The following EFCAB6 variants were observed in gnomAD, a reference collection of about 807,000 sequenced individuals.
The protein encoded by EFCAB6 is EF-hand calcium-binding domain-containing protein 6.
A neutral mutation model predicts 169.8 loss-of-function variants in EFCAB6; 156 were observed. The ratio of observed to expected loss-of-function variants is 0.92; its 90% confidence interval spans 0.81 to 1.05. EFCAB6 has a LOEUF of 1.05. EFCAB6 is among the 50% of genes least tolerant of loss of function. The probability of loss-of-function intolerance (pLI) is 0.00; values close to 1 mark genes in which losing one functional copy is unlikely to be tolerated. For synonymous variants in EFCAB6, 698 were observed against 676.4 expected (o/e 1.03, Z -0.50); for missense variants, 1,800 against 1,829.1 (o/e 0.98, Z 0.29).
At chr22:43,589,603 C>A (rs373499874) in intron 24 of EFCAB6, among the ~76,000 whole-genome samples, 1 of 152,126 alleles carries the variant, frequency 6.6e-6, no homozygotes, top group South Asian at 2.1e-4. Context: ...GCCTGGCCAA[C>A]GTGGTGAAAC....
At chr22:43,727,637 C>T (rs1013039) in intron 8 of EFCAB6, among the ~76,000 whole-genome samples, 133,801 of 152,180 alleles carry the variant, frequency 0.88, 58,861 homozygotes, top group East Asian at 0.99. Context: ...GAGAGAAGAA[C>T]TGGAAAAACA....
chr22:43,741,608 C>G (rs1252719047), intron 6 of EFCAB6, among the ~76,000 whole-genome samples: 1 of 152,202 alleles, frequency 6.6e-6, no homozygotes, highest in Non-Finnish European at 1.5e-5. Flanking sequence ...TTCCACAAAG[C>G]AGGAAGTTGG....
intron 3 of EFCAB6, among the ~76,000 whole-genome samples, chr22:43,776,151 T>C (rs1569483227): frequency 6.6e-6 from 1 of 152,232 alleles, no homozygotes; most frequent in Non-Finnish European, 1.5e-5. Context: ...GTTGAATACA[T>C]GCTCTGGAGA....
chr22:43,718,754 C>G lies in EFCAB6; in HGVS notation c.758-1782G>C, dbSNP rs916478296. Among the ~76,000 whole-genome samples, 3 of 152,306 alleles carry G rather than the reference C, an allele frequency of 2.0e-5. No individual in the cohort carries two copies. The South Asian group carries it at 6.2e-4, about 32-fold the overall frequency. On this transcript the variant is annotated intron_variant, in intron 8 of 31. Coordinates refer to ENST00000262726, the MANE Select transcript of EFCAB6 (RefSeq NM_022785.4). ...TGAGATCATGCCACTGCACTCTAGCCTGGTGACAGAGAGAGGCTCCACCTC... is the reference window on the plus strand; with the variant it reads ...TGAGATCATGCCACTGCACTCTAGCGTGGTGACAGAGAGAGGCTCCACCTC...
At chr22:43,725,399 C>T (rs1007818643) in intron 8 of EFCAB6, among the ~76,000 whole-genome samples, 3 of 152,174 alleles carry the variant, frequency 2.0e-5, no homozygotes, top group Non-Finnish European at 4.4e-5. Flanking sequence ...CCTCGGCCTC[C>T]CAAAGTGCTG....
chr22:43,640,121 G>C (rs77802925), intron 17 of EFCAB6, among the ~76,000 whole-genome samples: 2,877 of 152,112 alleles, frequency 0.019, 95 homozygotes, highest in African/African-American at 0.066. Flanking sequence ...TCTAACATCT[G>C]TTCATCTTAG....
intron 4 of EFCAB6, among the ~76,000 whole-genome samples, chr22:43,767,971 T>A (rs2061366543): frequency 6.6e-6 from 1 of 152,214 alleles, no homozygotes; most frequent in South Asian, 2.1e-4. Context: ...GAAAGCGAAT[T>A]CTTAAGGGTG....
intron 2 of EFCAB6, among the ~76,000 whole-genome samples, chr22:43,808,583 T>G (rs1479572834): frequency 6.6e-6 from 1 of 152,216 alleles, no homozygotes; most frequent in Non-Finnish European, 1.5e-5. Context: ...GAACTTTAGC[T>G]ATTTGGTAGC....
At chr22:43,602,039 G>C (rs746029444) in intron 22 of EFCAB6, among the ~76,000 whole-genome samples, 8 of 152,226 alleles carry the variant, frequency 5.3e-5, no homozygotes, top group Non-Finnish European at 8.8e-5. Flanking sequence ...GGTGCAGATA[G>C]AGGGCTCTAG....
chr22:43,588,050 G>C (rs984122079), intron 24 of EFCAB6, among the ~76,000 whole-genome samples: 7 of 152,192 alleles, frequency 4.6e-5, no homozygotes, highest in African/African-American at 1.7e-4. Flanking sequence ...ATTTAACTGA[G>C]AATCTTGTAT....
rs555145118 is a variant in EFCAB6 at position 43,643,622 on chromosome 22, C to A, written c.1984-8406G>T. On this transcript the variant is annotated intron_variant, in intron 17 of 31. Transcript: ENST00000262726. ...ATGATGCTGCTTCCTTTTGCACAGGCTCCTCACCCTGGGAGACGCGTTGCT... is the reference window on the plus strand; with the variant it reads ...ATGATGCTGCTTCCTTTTGCACAGGATCCTCACCCTGGGAGACGCGTTGCT... 3.3e-5 allele frequency among the ~76,000 whole-genome samples: 5 copies of A among 152,320 alleles called. No individual in the cohort carries two copies. In the South Asian group the frequency reaches 1.0e-3, roughly 32 times the overall value.
At chr22:43,604,603 A>C (rs907610018) in intron 22 of EFCAB6, among the ~76,000 whole-genome samples, 3 of 152,142 alleles carry the variant, frequency 2.0e-5, no homozygotes, top group Non-Finnish European at 4.4e-5. Context: ...CCCTGTCCAG[A>C]GGTTCCACCA....
intron 8 of EFCAB6, among the ~76,000 whole-genome samples, chr22:43,721,467 A>G (rs2059522609): frequency 6.6e-6 from 1 of 152,236 alleles, no homozygotes. Context: ...ACAAAGCTGA[A>G]GGCATCAGTC....
At chr22:43,798,070 T>C (rs998219941) in intron 2 of EFCAB6, among the ~76,000 whole-genome samples, 4 of 152,110 alleles carry the variant, frequency 2.6e-5, no homozygotes, top group Admixed American at 2.6e-4. Context: ...ATTCCAGTCC[T>C]GGGTTGGGGT....
intron 10 of EFCAB6, among the ~76,000 whole-genome samples, chr22:43,697,284 C>A (rs996449314): frequency 2.0e-5 from 3 of 152,056 alleles, no homozygotes; most frequent in Admixed American, 6.6e-5. Flanking sequence ...CATCATGGAG[C>A]CATTAAAAAT....
chr22:43,529,016 G>A (rs376767032), intron 31 of EFCAB6, 41 bp from the exon 32 acceptor site: 1 of 1,528,504 alleles, frequency 6.5e-7, no homozygotes. Flanking sequence ...CTTGTTTGGT[G>A]CCCTAGGTTA....
intron 20 of EFCAB6, among the ~76,000 whole-genome samples, chr22:43,619,099 G>A (rs1398101617): frequency 1.3e-5 from 2 of 152,140 alleles, no homozygotes; most frequent in African/African-American, 4.8e-5. Flanking sequence ...ATCTGTGCAG[G>A]AAGTTCCAGG....
chr22:43,548,016 A>C (rs2048162451), intron 27 of EFCAB6, among the ~76,000 whole-genome samples: 1 of 151,986 alleles, frequency 6.6e-6, no homozygotes. Context: ...GAATGGCGTG[A>C]ACCCAGGAGG....
intron 10 of EFCAB6, among the ~76,000 whole-genome samples, chr22:43,705,052 A>G (rs1219709996): frequency 6.6e-6 from 1 of 152,006 alleles, no homozygotes; most frequent in African/African-American, 2.4e-5. Flanking sequence ...TTCCATGCAA[A>G]TGGAAACCAA....
Sources: gnomAD v4.1 joint callset for allele counts (sites outside exome capture counted in the v4.1 genomes callset) on GRCh38, gnomAD v4.1.1 for gene constraint, MANE v1.5 for transcripts, NCBI Gene and HGNC (gene_info 2026-07-23, HGNC 2026-07-21) for gene names.